HERC2: variants seen among roughly 807,000 people sequenced by gnomAD.
HERC2 encodes the protein HECT and RLD domain containing E3 ubiquitin protein ligase 2.
HERC2 carries 102 observed loss-of-function variants against 537.7 expected under a neutral mutation model. The ratio of observed to expected loss-of-function variants is 0.19; its 90% CI spans 0.16 to 0.22. The LOEUF (loss-of-function observed/expected upper bound fraction) is 0.22, where lower values mean the gene tolerates loss of function less well. Among genes scored for constraint, HERC2 ranks in the 10% least tolerant of loss-of-function variants. The pLI, the probability that HERC2 is intolerant of heterozygous loss-of-function variation, is 1.00. For synonymous variants in HERC2, 2,224 were observed against 2,466.2 expected, an observed-to-expected ratio of 0.90 and a Z score of 2.91; for missense variants, 4,236 against 6,198.2, an observed-to-expected ratio of 0.68 and a Z score of 10.63.
In HERC2 at chr15:28,117,059, G is replaced by A. The variant is rs894015418; in HGVS notation, c.13368C>T (p.Pro4456=). 34 of 1,614,018 alleles carry A rather than the reference G, an allele frequency of 2.1e-5. No individual in the cohort carries two copies. Among genetic ancestry groups the A allele is most frequent in the Non-Finnish European group, 2.7e-5 (32 of 1,180,028 alleles). Residue 4456 remains proline, a synonymous_variant, in exon 87 of 93, where the codon CCC becomes CCT. Coordinates refer to ENST00000261609, the MANE Select transcript of HERC2 (RefSeq NM_004667.6). ...QMCAKMSSFG[P]DSLLLPHRVW... is the part of the protein sequence containing the mutation. ...CACGGTGAGGAAGGAGGAGGCTGTCGGGACCAAACGAGCTCATCTTAGCAC... is the reference window on the plus strand; with the variant it reads ...CACGGTGAGGAAGGAGGAGGCTGTCAGGACCAAACGAGCTCATCTTAGCAC...
Position 28,113,015 on chromosome 15 carries a change from C to T in HERC2, c.14232+56G>A. ...TGCAGGACTGTGGGTGAGGAGCCAGCCACCCACCGTCGGCCGACATCAGCC... is the reference window on the plus strand; with the variant it reads ...TGCAGGACTGTGGGTGAGGAGCCAGTCACCCACCGTCGGCCGACATCAGCC... On this transcript the variant is annotated intron_variant, in intron 92 of 92. Transcript: ENST00000261609. This position sits in a 1 kb window ranked among gnomAD's most constrained non-coding sequence, Gnocchi z 7.0. 6 of 1,435,728 alleles carry T rather than the reference C, an allele frequency of 4.2e-6. No homozygotes were observed. Among genetic ancestry groups the T allele is most frequent in the Non-Finnish European group, 5.8e-6 (6 of 1,034,420 alleles). 88.9% of individuals were successfully genotyped at this position (1,435,728 alleles called of 1,614,324 possible). A position where few individuals can be genotyped will look rare whatever the true frequency, so the allele number is the denominator to read the frequency against.
In HERC2 at chr15:28,226,934, TAG is replaced by T. The variant is rs1308220230; in HGVS notation, c.5464+1282_5464+1283del. On this transcript the variant is annotated intron_variant, in intron 35 of 92. Coordinates refer to ENST00000261609, the MANE Select transcript of HERC2 (RefSeq NM_004667.6). ...TCTTTAAAGGTTTGGTACACTTATA[TAG>T]TGCATTTATTGGTACAACAACAAGG... is the stretch of plus-strand genomic sequence containing the variant. Among the ~76,000 whole-genome samples the T allele has an allele frequency of 3.9e-5, 6 of 152,226 alleles. No individual in the cohort carries two copies. In the South Asian group the frequency reaches 1.2e-3, roughly 32 times the overall value.
intron 55 of HERC2, chr15:28,190,485 T>C (rs1896758480): frequency 1.9e-5 from 3 of 160,854 alleles, no homozygotes; most frequent in Admixed American, 1.8e-4. Flanking sequence ...CTTTCAAACT[T>C]TTCCAGAGAT....
At chr15:28,225,275 A>T (rs937581663) in intron 35 of HERC2, among the ~76,000 whole-genome samples, 9 of 152,126 alleles carry the variant, frequency 5.9e-5, no homozygotes, top group Non-Finnish European at 1.5e-5. Context: ...AAACAAAAAA[A>T]TACAAAGCAG....
intron 67 of HERC2, 21 bp downstream of exon 67, chr15:28,168,386 T>G (rs1173873955): frequency 6.2e-7 from 1 of 1,607,786 alleles, no homozygotes; most frequent in East Asian, 2.2e-5. Context: ...TGATCTAACA[T>G]TGCTTTAGAT....
intron 50 of HERC2, 98 bp from the exon 51 acceptor site, chr15:28,196,667 A>ATT: frequency 4.8e-6 from 3 of 627,766 alleles, no homozygotes; most frequent in Non-Finnish European, 8.6e-6. Context: ...CATTGTAGTT[A>ATT]TTTGTTTTTT....
chr15:28,179,070 A>G (rs766872465), intron 58 of HERC2, 40 bp from the exon 59 acceptor site: 5 of 1,603,576 alleles, frequency 3.1e-6, no homozygotes, highest in Non-Finnish European at 3.4e-6. Context: ...CTCTTTTCAC[A>G]ACATTAAAAA....
At chr15:28,132,308 C>T in intron 80 of HERC2, 47 bp from the exon 81 acceptor site, 1 of 1,547,092 alleles carries the variant, frequency 6.5e-7, no homozygotes, top group Non-Finnish European at 8.8e-7. Flanking sequence ...CACAAGAAGG[C>T]TTGCCACAGG....
Position 28,218,541 on chromosome 15 carries a change from A to C in HERC2, c.5976T>G (p.Thr1992=). 1 of 1,597,762 alleles carries C rather than the reference A, an allele frequency of 6.3e-7. No homozygotes were observed. Among genetic ancestry groups the C allele is most frequent in the African/African-American group, 1.3e-5 (1 of 74,782 alleles). Residue 1992 remains threonine, a synonymous_variant, in exon 38 of 93, where the codon ACT becomes ACG. Transcript: ENST00000261609. ...CTAACATTCGCAGCAGTCCGCATAAAGTCTTGGTGGCTTCGCTCTGCATGA... is the reference window on the plus strand; with the variant it reads ...CTAACATTCGCAGCAGTCCGCATAACGTCTTGGTGGCTTCGCTCTGCATGA... ...AEIMQSEATK[T]LCGLLRMLVE...
chr15:28,275,874 A>G (rs2075858183), intron 5 of HERC2, among the ~76,000 whole-genome samples: 1 of 152,206 alleles, frequency 6.6e-6, no homozygotes, highest in African/African-American at 2.4e-5. Flanking sequence ...TTTATACTAT[A>G]TCATGTTTCT....
chr15:28,248,951 A>C (rs930085653), intron 20 of HERC2, among the ~76,000 whole-genome samples: 5 of 152,216 alleles, frequency 3.3e-5, no homozygotes, highest in Admixed American at 6.5e-5. Context: ...CAAAAGAGAT[A>C]ATGATGCCCT....
intron 56 of HERC2, among the ~76,000 whole-genome samples, chr15:28,183,497 G>A (rs1896020405): frequency 6.6e-6 from 1 of 152,180 alleles, no homozygotes; most frequent in Non-Finnish European, 1.5e-5. Flanking sequence ...ACAGGTGGGA[G>A]CCACCACACC....
At chr15:28,234,781 G>A (rs1286677430) in intron 26 of HERC2, among the ~76,000 whole-genome samples, 2 of 150,858 alleles carry the variant, frequency 1.3e-5, no homozygotes, top group African/African-American at 4.9e-5. Flanking sequence ...GAGCTAAGAT[G>A]AGGAATAAGA....
rs748053596 is a variant in HERC2 at position 28,224,166 on chromosome 15, C to CACACAG, written c.5465-1952_5465-1951insCTGTGT. Among the ~76,000 whole-genome samples the CACACAG allele has an allele frequency of 2.3e-3, 338 of 147,736 alleles. 1 individual carries two copies. Among genetic ancestry groups the CACACAG allele is most frequent in the African/African-American group, 7.8e-3 (303 of 38,826 alleles). On this transcript the variant is annotated intron_variant, in intron 35 of 92. Coordinates refer to ENST00000261609, the MANE Select transcript of HERC2 (RefSeq NM_004667.6). ...ACACACACCCACACACACACACACACAGAGAGAGAGAGAAACAGACAGACA... is the reference window on the plus strand; with the variant it reads ...ACACACACCCACACACACACACACACACACAGAGAGAGAGAGAGAAACAGACAGACA...
At chr15:28,285,912 T>G (rs1215898217) in intron 4 of HERC2, among the ~76,000 whole-genome samples, 1 of 151,856 alleles carries the variant, frequency 6.6e-6, no homozygotes, top group Non-Finnish European at 1.5e-5. Flanking sequence ...CACATGTAAC[T>G]TTGACAACTT....
chr15:28,282,027 C>T (rs2076031935), intron 4 of HERC2, among the ~76,000 whole-genome samples: 1 of 152,178 alleles, frequency 6.6e-6, no homozygotes, highest in African/African-American at 2.4e-5. Context: ...CCCAGTCCAT[C>T]AGTCATGTAC....
rs575339532 is a variant in HERC2 at position 28,153,011 on chromosome 15, C to G, written c.10747-181G>C. Among the ~76,000 whole-genome samples the G allele has an allele frequency of 2.6e-5, 4 of 152,312 alleles. No homozygotes were observed. The East Asian group carries it at 5.8e-4, about 22-fold the overall frequency. ...GGCTTCCTTGCACATAAAACAGAGACAGCACAGAGCCTGTAAGATGCTGTG... is the reference window on the plus strand; with the variant it reads ...GGCTTCCTTGCACATAAAACAGAGAGAGCACAGAGCCTGTAAGATGCTGTG... On this transcript the variant is annotated intron_variant, in intron 69 of 92. Transcript: ENST00000261609.
At chr15:28,114,040 G>A (rs775590302) in intron 90 of HERC2, among the ~76,000 whole-genome samples, 2 of 152,130 alleles carry the variant, frequency 1.3e-5, no homozygotes, top group Non-Finnish European at 2.9e-5. Context: ...GACACGATAC[G>A]GGGGACAGCA....
intron 2 of HERC2, chr15:28,320,140 G>C (rs913757241): frequency 4.7e-5 from 7 of 150,238 alleles, no homozygotes; most frequent in African/African-American, 1.7e-4. Flanking sequence ...TTTTGAAACA[G>C]TTTTGCTCTC....
Sources: gnomAD v4.1 joint callset for allele counts (sites outside exome capture counted in the v4.1 genomes callset) on GRCh38, gnomAD v4.1.1 for gene constraint, Gnocchi (gnomAD v3.1) non-coding constraint, MANE v1.5 for transcripts, NCBI Gene and HGNC (gene_info 2026-07-23, HGNC 2026-07-21) for gene names.